Variants in BCAN observed in about 807,000 individuals in gnomAD.
The protein encoded by BCAN is brevican, also known as brevican core protein.
A neutral mutation model predicts 92.4 loss-of-function variants in BCAN; 51 were observed. The observed-to-expected ratio is 0.55, with a 90% CI of 0.44 to 0.70. The LOEUF is 0.70. BCAN is among the 30% of genes least tolerant of loss of function. BCAN has a pLI of 0.00. For missense variants in BCAN, 1,140 were observed against 1,212.1 expected, an observed-to-expected ratio of 0.94 and a Z score of 0.88; for synonymous variants, 501 against 505.2, an observed-to-expected ratio of 0.99 and a Z score of 0.11.
chr1:156,652,473 A>T lies in BCAN; in HGVS notation c.1523A>T (p.Gln508Leu). ...GCAGCCCAGGAGGAGTCACTCTCCC[A>T]GGCGCCAGCAAGGGCAGTCCTGCAG... Reference protein sequence around the residue: ...EPAAQEESLSQAPARAVLQPG... With the variant: ...EPAAQEESLSLAPARAVLQPG... Residue 508 changes from glutamine (Q) to leucine (L), a missense_variant, in exon 8 of 14, where the codon CAG (glutamine) becomes CTG (leucine). Coordinates refer to ENST00000329117, the MANE Select transcript of BCAN (RefSeq NM_021948.5). 6.2e-7 allele frequency: 1 copy of T among 1,604,860 alleles called. No individual in the cohort carries two copies. Among genetic ancestry groups the T allele is most frequent in the Non-Finnish European group, 8.5e-7 (1 of 1,175,364 alleles).
chr1:156,646,179 C>G, intron 2 of BCAN, 34 bp downstream of exon 2: 1 of 1,596,134 alleles, frequency 6.3e-7, no homozygotes, highest in Non-Finnish European at 8.6e-7. Flanking sequence ...CCGTCTCTGT[C>G]TTGTTCAGCC....
chr1:156,649,827 C>T, intron 6 of BCAN: 8 of 517,076 alleles, frequency 1.5e-5, no homozygotes, highest in South Asian at 9.8e-5. Context: ...CTCGGTCCTT[C>T]CCCAGTTTTA....
rs1349233161 is a variant in BCAN at position 156,656,383 on chromosome 1, G to A, written c.2044G>A (p.Asp682Asn). The part of the protein sequence containing the change: ...CLPGYGGDLC[D>N]VGLRFCNPGW... ...GCCTGGCTATGGGGGGGACCTGTGC[G>A]ATGTTGGTGAGTGTTGAGGGACGGG... is the stretch of plus-strand genomic sequence containing the variant. Residue 682 changes from aspartate (D) to asparagine (N), a missense_variant, in exon 9 of 14, where the codon GAT becomes AAT. Asp to Asn is a conservative substitution (Grantham distance 23). Transcript: ENST00000329117. 29 of 1,365,418 alleles carry A rather than the reference G, an allele frequency of 2.1e-5. No individual in the cohort carries two copies. Among genetic ancestry groups the A allele is most frequent in the Non-Finnish European group, 2.7e-5 (28 of 1,053,780 alleles). 84.6% of individuals were successfully genotyped at this position (1,365,418 alleles called of 1,614,324 possible).
In BCAN at chr1:156,657,109, A is replaced by C; in HGVS notation, c.2209+13A>C. 3 of 1,606,066 alleles carry C rather than the reference A, an allele frequency of 1.9e-6. No homozygotes were observed. The highest frequency in any genetic ancestry group is 2.6e-6 in the Non-Finnish European group (3 of 1,174,122). Reference sequence around the variant, plus strand: ...GACTTCATCAACAGTGGGCTGGGAGACAGGGCGGGAGGGGCCCCTGCCATA... The same window carrying C: ...GACTTCATCAACAGTGGGCTGGGAGCCAGGGCGGGAGGGGCCCCTGCCATA... On this transcript the variant is annotated intron_variant, in intron 10 of 13. Coordinates refer to ENST00000329117, the MANE Select transcript of BCAN (RefSeq NM_021948.5).
rs1237636191 is a variant in BCAN, at chr1:156,659,165, G to A, written c.*31G>A. Reference sequence around the variant, plus strand: ...AAGGCCTTGAACACTGCCGGCCACAGCACTGCCCTGTCACCCAAATTTTCC... The same window carrying A: ...AAGGCCTTGAACACTGCCGGCCACAACACTGCCCTGTCACCCAAATTTTCC... On this transcript the variant is annotated 3_prime_UTR_variant, in exon 14 of 14. Transcript: ENST00000329117. 6 of 1,501,156 alleles carry A rather than the reference G, an allele frequency of 4.0e-6. No homozygotes were observed. The highest frequency in any genetic ancestry group is 5.4e-6 in the Non-Finnish European group (6 of 1,118,662). 93.0% of individuals were successfully genotyped at this position (1,501,156 alleles called of 1,614,324 possible).
chr1:156,652,460 G>A lies in BCAN; in HGVS notation c.1510G>A (p.Glu504Lys), dbSNP rs1056695. ...SLPTEPAAQE[E>K]SLSQAPARAV... ...CCCCACTGAGCCAGCAGCCCAGGAGGAGTCACTCTCCCAGGCGCCAGCAAG... is the reference window on the plus strand; with the variant it reads ...CCCCACTGAGCCAGCAGCCCAGGAGAAGTCACTCTCCCAGGCGCCAGCAAG... Residue 504 changes from glutamate to lysine, a missense_variant, in exon 8 of 14, where the codon GAG (glutamate) becomes AAG (lysine). Glu to Lys is a moderately conservative substitution (Grantham distance 56). Around this residue, in one of 3 missense-constraint regions of BCAN, gnomAD observed 825 missense variants for 871.8 expected, o/e 0.95. Transcript: ENST00000329117. 0.38 allele frequency: 601,508 copies of A among 1,601,522 alleles called. 115,336 individuals carry two copies. The highest frequency in any genetic ancestry group is 0.51 in the South Asian group (45,528 of 89,542).
intron 7 of BCAN, among the ~76,000 whole-genome samples, chr1:156,651,898 G>A (rs1167552236): frequency 6.6e-6 from 1 of 152,094 alleles, no homozygotes; most frequent in Non-Finnish European, 1.5e-5. Context: ...AGCTAGAGAT[G>A]CTTGCACTAA....
chr1:156,648,539 G>C, intron 5 of BCAN, 29 bp from the exon 6 acceptor site: 1 of 1,553,334 alleles, frequency 6.4e-7, no homozygotes, highest in Non-Finnish European at 8.8e-7. Flanking sequence ...CCAGCTGCCT[G>C]ATAACCCAGC....
rs371049026 is a variant in BCAN at position 156,656,490 on chromosome 1, T to C, written c.2050+101T>C. ...AGAACATTGGTTTTGGCCTTGTCAT[T>C]AATGAGTCCCTGTTTTAGGCAAGTT... On this transcript the variant is annotated intron_variant, in intron 9 of 13. Coordinates refer to ENST00000329117, the MANE Select transcript of BCAN (RefSeq NM_021948.5). 4.3e-6 allele frequency: 4 copies of C among 928,808 alleles called. No individual in the cohort carries two copies. The African/African-American group carries it at 5.1e-5, about 12-fold the overall frequency. 57.5% of individuals were successfully genotyped at this position (928,808 alleles called of 1,614,324 possible). A position where few individuals can be genotyped will look rare whatever the true frequency, so the allele number is the denominator to read the frequency against.
In BCAN at chr1:156,658,828, C is replaced by A; in HGVS notation, c.2628+95C>A. On this transcript the variant is annotated intron_variant, in intron 13 of 13. Coordinates refer to ENST00000329117, the MANE Select transcript of BCAN (RefSeq NM_021948.5). The surrounding 1 kb of genome is among the most constrained non-coding windows in gnomAD (Gnocchi z 4.4). ...GTCCTGCCTGTCACTGGCCATGTGACCTTGGAGCCATCACTGCCCCTCTCT... is the reference window on the plus strand; with the variant it reads ...GTCCTGCCTGTCACTGGCCATGTGAACTTGGAGCCATCACTGCCCCTCTCT... 6.5e-7 allele frequency: 1 copy of A among 1,544,990 alleles called. No individual in the cohort carries two copies. Among genetic ancestry groups the A allele is most frequent in the Non-Finnish European group, 8.8e-7 (1 of 1,131,270 alleles).
intron 8 of BCAN, chr1:156,653,577 C>T: frequency 1.0e-6 from 1 of 970,232 alleles, no homozygotes; most frequent in East Asian, 1.1e-4. Flanking sequence ...CCATGTCTCT[C>T]CCTGTCTCTG....
chr1:156,647,932 G>T lies in BCAN; in HGVS notation c.642-51G>T. 3.7e-6 allele frequency: 6 copies of T among 1,608,460 alleles called. No individual in the cohort carries two copies. The highest frequency in any genetic ancestry group is 5.1e-6 in the Non-Finnish European group (6 of 1,175,290). On this transcript the variant is annotated intron_variant, in intron 4 of 13. Coordinates refer to ENST00000329117, the MANE Select transcript of BCAN (RefSeq NM_021948.5). The surrounding 1 kb of genome is among the most constrained non-coding windows in gnomAD (Gnocchi z 4.8). ...GGGTTCAATAGAATCAATATGGGCTGGCTCCCTGGTGAAAGCATCTGTACT... is the reference window on the plus strand; with the variant it reads ...GGGTTCAATAGAATCAATATGGGCTTGCTCCCTGGTGAAAGCATCTGTACT...
intron 10 of BCAN, chr1:156,657,453 T>C: frequency 1.8e-6 from 1 of 550,792 alleles, no homozygotes; most frequent in South Asian, 2.6e-5. Context: ...TTTCCAAAAC[T>C]CCCCTTTTCT....
intron 1 of BCAN, among the ~76,000 whole-genome samples, chr1:156,645,636 T>C (rs918367920): frequency 6.6e-6 from 1 of 152,016 alleles, no homozygotes; most frequent in Non-Finnish European, 1.5e-5. Flanking sequence ...GAATTCTGAG[T>C]ATAAGAGCAC....
chr1:156,657,037 G>A lies in BCAN; in HGVS notation c.2150G>A (p.Arg717Gln), dbSNP rs750080914. The A allele has an allele frequency of 5.0e-6, 8 of 1,614,214 alleles. No homozygotes were observed. The Admixed American group carries it at 1.0e-4, about 20-fold the overall frequency. The change falls in exon 10 of 14, where the codon CGG (arginine) becomes CAG (glutamine). Residue 717 changes from arginine (R) to glutamine (Q), a missense_variant. Arg to Gln is a conservative substitution (Grantham distance 43). Around this residue, in one of 3 missense-constraint regions of BCAN, gnomAD observed 825 missense variants for 871.8 expected, o/e 0.95. Transcript: ENST00000329117. ...TGGGAGGAGGCAGAGACCCAGTGCC[G>A]GATGTACGGCGCGCATCTGGCCAGC... ...RSWEEAETQC[R>Q]MYGAHLASIS...
Position 156,658,612 on chromosome 1 carries a change from T to C in BCAN, c.2507T>C (p.Val836Ala). Residue 836 changes from valine (V) to alanine (A), a missense_variant, in exon 13 of 14, where the codon GTG becomes GCG. Around this residue, in one of 3 missense-constraint regions of BCAN, gnomAD observed 825 missense variants for 871.8 expected, o/e 0.95. Coordinates refer to ENST00000329117, the MANE Select transcript of BCAN (RefSeq NM_021948.5). The surrounding 1 kb of genome is among the most constrained non-coding windows in gnomAD (Gnocchi z 4.4). ...VFGRPRLRYEVDTVLRYRCRE... is the reference protein window; with the variant it reads ...VFGRPRLRYEADTVLRYRCRE... ...GGCCGCCCACGGCTGCGCTATGAGGTGGACACTGTGCTTCGCTACCGGTGC... is the reference window on the plus strand; with the variant it reads ...GGCCGCCCACGGCTGCGCTATGAGGCGGACACTGTGCTTCGCTACCGGTGC... 1 of 1,614,082 alleles carries C rather than the reference T, an allele frequency of 6.2e-7. No homozygotes were observed. The highest frequency in any genetic ancestry group is 2.2e-5 in the East Asian group (1 of 44,884).
intron 2 of BCAN, 109 bp downstream of exon 2, chr1:156,646,254 C>T (rs1442107284): frequency 8.7e-6 from 9 of 1,040,278 alleles, no homozygotes; most frequent in Non-Finnish European, 1.1e-5. Flanking sequence ...TGTGGGGAAG[C>T]GTCCAGGCTG....
chr1:156,652,238 C>A lies in BCAN; in HGVS notation c.1298-10C>A. The A allele has an allele frequency of 6.3e-7, 1 of 1,575,262 alleles. No homozygotes were observed. The highest frequency in any genetic ancestry group is 1.4e-5 in the African/African-American group (1 of 73,960). ...TGTCCCTGGTGCTGAACCGTTTGTG[C>A]TTTGCCTAGAATTTGAAACACAATC... On this transcript the variant is annotated splice_polypyrimidine_tract_variant and intron_variant, in intron 7 of 13. Transcript: ENST00000329117.
chr1:156,647,107 G>C lies in BCAN; in HGVS notation c.398G>C (p.Gly133Ala), dbSNP rs368913367. The C allele has an allele frequency of 1.3e-6, 2 of 1,562,764 alleles. No individual in the cohort carries two copies. The highest frequency in any genetic ancestry group is 1.7e-6 in the Non-Finnish European group (2 of 1,145,166). ...ALSELRPNDS[G>A]IYRCEVQHGI... The stretch of plus-strand genomic sequence containing the variant: ...AGCGAGCTGCGCCCCAACGACTCAG[G>C]TATCTATCGCTGTGAGGTCCAGCAC... Residue 133 changes from glycine (G) to alanine (A), a missense_variant, in exon 3 of 14, where the codon GGT becomes GCT. Physicochemically the swap from Gly to Ala is moderately conservative, Grantham distance 60. Coordinates refer to ENST00000329117, the MANE Select transcript of BCAN (RefSeq NM_021948.5). This position sits in a 1 kb window ranked among gnomAD's most constrained non-coding sequence, Gnocchi z 4.8.
Sources: allele counts gnomAD v4.1 joint callset (sites outside exome capture counted in the v4.1 genomes callset), GRCh38; gene constraint gnomAD v4.1.1; regional missense constraint gnomAD v4.1.1; non-coding constraint Gnocchi (gnomAD v3.1); transcripts MANE v1.5; gene names NCBI Gene and HGNC (gene_info 2026-07-23, HGNC 2026-07-21).